The following SLC25A26 variants were observed in gnomAD, a reference collection of about 807,000 sequenced individuals.
SLC25A26 encodes solute carrier family 25 member 26, also known as mitochondrial S-adenosylmethionine carrier protein.
A neutral mutation model predicts 37.8 loss-of-function variants in SLC25A26; 36 were observed. The ratio of observed to expected loss-of-function variants is 0.95; its 90% CI spans 0.73 to 1.26. The LOEUF is 1.26. Among genes scored for constraint, SLC25A26 ranks in the 50% most tolerant of loss-of-function variants. The pLI, the probability that SLC25A26 is intolerant of heterozygous loss-of-function variation, is 0.00. For missense variants in SLC25A26, 390 were observed against 331.1 expected, an observed-to-expected ratio of 1.18 and a Z score of -1.38; for synonymous variants, 129 against 122.5, an observed-to-expected ratio of 1.05 and a Z score of -0.35.
intron 1 of SLC25A26, among the ~76,000 whole-genome samples, chr3:66,160,090 C>T (rs897421078): frequency 6.6e-6 from 1 of 152,116 alleles, no homozygotes; most frequent in Non-Finnish European, 1.5e-5. Flanking sequence ...GCAACCTCTG[C>T]CTCTCAGGCT....
intron 3 of SLC25A26, among the ~76,000 whole-genome samples, chr3:66,254,109 T>C (rs1275037787): frequency 6.6e-6 from 1 of 152,164 alleles, no homozygotes; most frequent in East Asian, 1.9e-4. Flanking sequence ...GGGGAAAGGT[T>C]TGATGAACAT....
chr3:66,326,840 C>T (rs1575570952), intron 5 of SLC25A26, among the ~76,000 whole-genome samples: 2 of 152,120 alleles, frequency 1.3e-5, no homozygotes, highest in Non-Finnish European at 2.9e-5. Context: ...GCAGAAAGCC[C>T]GGACAGTCGA....
At chr3:66,354,852 C>G (rs1187921108) in intron 6 of SLC25A26, among the ~76,000 whole-genome samples, 1 of 152,204 alleles carries the variant, frequency 6.6e-6, no homozygotes, top group African/African-American at 2.4e-5. Flanking sequence ...CACAAGGTCT[C>G]TCTCTGCCTG....
chr3:66,209,894 CTATTTATATATA>C (rs1201586449), intron 1 of SLC25A26, among the ~76,000 whole-genome samples: 1 of 13,192 alleles, frequency 7.6e-5, no homozygotes, highest in African/African-American at 2.0e-4. Flanking sequence ...CTCTCTCTCT[CTATTTATATATA>C]TATATATATA....
rs1429446634 is a variant in SLC25A26, at chr3:66,236,464, A to G, written c.34-80A>G. On this transcript the variant is annotated intron_variant, in intron 1 of 9. Coordinates refer to ENST00000354883, the MANE Select transcript of SLC25A26 (RefSeq NM_001379210.1). Reference sequence around the variant, plus strand: ...AATGTGCTTTAAAGACTGTCTTCCTATCTTCGCCCCCAAGTGGCCGAGAGC... The same window carrying G: ...AATGTGCTTTAAAGACTGTCTTCCTGTCTTCGCCCCCAAGTGGCCGAGAGC... The G allele has an allele frequency of 6.9e-6, 8 of 1,163,496 alleles. No homozygotes were observed. In the African/African-American group the frequency reaches 1.1e-4, roughly 16 times the overall value. The allele number at this position is 1,163,496 out of a possible 1,614,324, so 72.1% of individuals were successfully genotyped here.
intron 5 of SLC25A26, among the ~76,000 whole-genome samples, chr3:66,317,790 C>G (rs1031143603): frequency 3.3e-5 from 5 of 152,192 alleles, no homozygotes; most frequent in Non-Finnish European, 5.9e-5. Flanking sequence ...AGAGTTCTGT[C>G]CATAAACCCC....
intron 5 of SLC25A26, among the ~76,000 whole-genome samples, chr3:66,304,829 T>C (rs942962636): frequency 6.6e-6 from 1 of 152,170 alleles, no homozygotes; most frequent in Non-Finnish European, 1.5e-5. Context: ...GTGATAAAAA[T>C]TGATACATTA....
chr3:66,198,411 C>G (rs2071072210), intron 1 of SLC25A26, among the ~76,000 whole-genome samples: 1 of 152,028 alleles, frequency 6.6e-6, no homozygotes, highest in Admixed American at 6.5e-5. Context: ...TGTCCATTTA[C>G]TCTTGACCCT....
In SLC25A26 at chr3:66,346,404, TA is replaced by T; in HGVS notation, c.498del (p.Ala167ProfsTer34). The T allele has an allele frequency of 6.8e-7, 1 of 1,471,734 alleles. No homozygotes were observed. Among genetic ancestry groups the T allele is most frequent in the Non-Finnish European group, 9.1e-7 (1 of 1,100,410 alleles). 91.2% of individuals were successfully genotyped at this position (1,471,734 alleles called of 1,614,324 possible). A position where few individuals can be genotyped will look rare whatever the true frequency, so the allele number is the denominator to read the frequency against. ...SLVQFPLWES[L>X]KALWSWRQDH... ...GTCCAGTTTCCCTTATGGGAGTCCTTAAAAGTAAGTTTCTCAGTCTTCACAT... is the reference window on the plus strand; with the variant it reads ...GTCCAGTTTCCCTTATGGGAGTCCTTAAAGTAAGTTTCTCAGTCTTCACAT... On this transcript the variant is annotated frameshift_variant, in exon 6 of 10. Coordinates refer to ENST00000354883, the MANE Select transcript of SLC25A26 (RefSeq NM_001379210.1). LOFTEE classifies it high-confidence loss of function.
At chr3:66,335,224 G>T (rs1027108136) in intron 5 of SLC25A26, among the ~76,000 whole-genome samples, 2 of 152,158 alleles carry the variant, frequency 1.3e-5, no homozygotes, top group African/African-American at 2.4e-5. Context: ...GTATAAAGCA[G>T]ATTATTTGTA....
intron 5 of SLC25A26, among the ~76,000 whole-genome samples, chr3:66,274,388 A>G (rs1273629322): frequency 6.6e-6 from 1 of 151,744 alleles, no homozygotes; most frequent in Non-Finnish European, 1.5e-5. Context: ...ACAAAAGCCA[A>G]AATTGACAAA....
rs1196757082 is a variant in SLC25A26, at chr3:66,208,885, T to TATACAC, written c.-353-11856_-353-11855insTACACA. Reference sequence around the variant, plus strand: ...ATGGGTGTGTGTATATATATATATATACACCTTTATATGGGTATATATATA... The same window carrying TATACAC: ...ATGGGTGTGTGTATATATATATATATATACACACACCTTTATATGGGTATATATATA... On this transcript the variant is annotated intron_variant, in intron 1 of 10. Coordinates refer to the SLC25A26 transcript ENST00000676754. Among the ~76,000 whole-genome samples, 316 of 105,576 alleles carry TATACAC rather than the reference T, an allele frequency of 3.0e-3. 15 individuals carry two copies. The highest frequency in any genetic ancestry group is 0.014 in the Middle Eastern group (1 of 72). The allele number at this position is 105,576 out of a possible 152,430, so 69.3% of individuals were successfully genotyped here. A position where few individuals can be genotyped will look rare whatever the true frequency, so the allele number is the denominator to read the frequency against.
intron 5 of SLC25A26, among the ~76,000 whole-genome samples, chr3:66,265,296 C>A (rs1422164216): frequency 5.3e-5 from 8 of 151,836 alleles, no homozygotes; most frequent in East Asian, 3.9e-4. Flanking sequence ...GACAGAGAGA[C>A]CCTGTCTCAA....
At chr3:66,234,938 A>T (rs2072204220) in intron 1 of SLC25A26, among the ~76,000 whole-genome samples, 1 of 152,234 alleles carries the variant, frequency 6.6e-6, no homozygotes, top group African/African-American at 2.4e-5. Context: ...TAGTTAAAAA[A>T]TTACTATGTA....
At chr3:66,266,403 A>G (rs1576750866) in intron 5 of SLC25A26, among the ~76,000 whole-genome samples, 2 of 152,288 alleles carry the variant, frequency 1.3e-5, no homozygotes, top group Admixed American at 6.5e-5. Context: ...AAGAAAATAC[A>G]TCAAAATCTT....
At chr3:66,139,972 C>G (rs2070010277) in intron 1 of SLC25A26, among the ~76,000 whole-genome samples, 1 of 152,126 alleles carries the variant, frequency 6.6e-6, no homozygotes, top group Non-Finnish European at 1.5e-5. Flanking sequence ...TGACAAAAAA[C>G]CCAAAAACCT....
chr3:66,369,093 A>G (rs1429099705), intron 7 of SLC25A26, among the ~76,000 whole-genome samples: 1 of 149,586 alleles, frequency 6.7e-6, no homozygotes, highest in African/African-American at 2.5e-5. Flanking sequence ...AAAGTCATGA[A>G]CCCTTTGAGA....
At chr3:66,299,079 C>T (rs914189593) in intron 5 of SLC25A26, among the ~76,000 whole-genome samples, 4 of 152,058 alleles carry the variant, frequency 2.6e-5, no homozygotes, top group Non-Finnish European at 4.4e-5. Context: ...CACATGAATA[C>T]GTACCTATGT....
intron 6 of SLC25A26, among the ~76,000 whole-genome samples, chr3:66,352,177 A>T (rs1289434311): frequency 1.3e-5 from 2 of 152,140 alleles, no homozygotes; most frequent in Non-Finnish European, 2.9e-5. Context: ...TGAGCTCACA[A>T]CCTGGGCGAC....
Sources: allele counts gnomAD v4.1 joint callset (sites outside exome capture counted in the v4.1 genomes callset), GRCh38; gene constraint gnomAD v4.1.1; transcripts MANE v1.5; gene names NCBI Gene and HGNC (gene_info 2026-07-23, HGNC 2026-07-21).